Variants in ITGA11 observed in about 807,000 individuals in gnomAD.
ITGA11 encodes the protein integrin alpha-11.
A neutral mutation model predicts 141.9 loss-of-function variants in ITGA11; 97 were observed. The observed-to-expected ratio is 0.68, with a 90% CI of 0.58 to 0.81. The LOEUF (loss-of-function observed/expected upper bound fraction) is 0.81. ITGA11 is among the 30% of genes least tolerant of loss of function. ITGA11 has a pLI of 0.00. For missense variants in ITGA11, 1,387 were observed against 1,559.2 expected (o/e 0.89, Z 1.86); for synonymous variants, 658 against 624.6 (o/e 1.05, Z -0.80).
rs371974786 is a variant in ITGA11 at position 68,304,203 on chromosome 15, G to A, written c.3382-318C>T. 2.0e-5 allele frequency among the ~76,000 whole-genome samples: 3 copies of A among 152,116 alleles called. No homozygotes were observed. Among genetic ancestry groups the A allele is most frequent in the South Asian group, 4.1e-4 (2 of 4,832 alleles). ...TACTCCTTCTCCCTTTGCTGCCTCCGCATCGCCTCCCGCACTTCTAAAGGT... is the reference window on the plus strand; with the variant it reads ...TACTCCTTCTCCCTTTGCTGCCTCCACATCGCCTCCCGCACTTCTAAAGGT... On this transcript the variant is annotated intron_variant, in intron 28 of 29. Coordinates refer to ENST00000315757, the MANE Select transcript of ITGA11 (RefSeq NM_001004439.2). The surrounding 1 kb of genome is among the most constrained non-coding windows in gnomAD (Gnocchi z 6.1).
intron 1 of ITGA11, among the ~76,000 whole-genome samples, chr15:68,406,636 A>G (rs1416799766): frequency 6.6e-6 from 1 of 152,152 alleles, no homozygotes; most frequent in African/African-American, 2.4e-5. Flanking sequence ...GCTGATATTT[A>G]GAATATTCCT....
intron 10 of ITGA11, among the ~76,000 whole-genome samples, chr15:68,343,264 G>A (rs1396266808): frequency 6.6e-6 from 1 of 152,090 alleles, no homozygotes; most frequent in Non-Finnish European, 1.5e-5. Flanking sequence ...ATGGAGTCAG[G>A]GACCGGTTAT....
At chr15:68,371,978 T>A (rs1487783261) in intron 2 of ITGA11, among the ~76,000 whole-genome samples, 1 of 152,068 alleles carries the variant, frequency 6.6e-6, no homozygotes, top group East Asian at 1.9e-4. Context: ...TCCATAGTAC[T>A]TCATGAGGTA....
Position 68,325,261 on chromosome 15 carries a change from G to A in ITGA11, c.2212-20C>T. ...AGTGTCCTGGGGGGTGGAGATGAGGGCAGCGGTGAGGGAGGAGAGAACGTC... is the reference window on the plus strand; with the variant it reads ...AGTGTCCTGGGGGGTGGAGATGAGGACAGCGGTGAGGGAGGAGAGAACGTC... On this transcript the variant is annotated intron_variant, in intron 17 of 29. Transcript: ENST00000315757. The surrounding 1 kb of genome is among the most constrained non-coding windows in gnomAD (Gnocchi z 5.5). 2 of 1,516,562 alleles carry A rather than the reference G, an allele frequency of 1.3e-6. No homozygotes were observed. The highest frequency in any genetic ancestry group is 1.7e-5 in the Admixed American group (1 of 59,896). The allele number at this position is 1,516,562 out of a possible 1,614,324, so 93.9% of individuals were successfully genotyped here. A position where few individuals can be genotyped will look rare whatever the true frequency, so the allele number is the denominator to read the frequency against.
Position 68,326,636 on chromosome 15 carries a change from G to A in ITGA11, c.2211+18C>T, listed in dbSNP as rs1268708690. The stretch of plus-strand genomic sequence containing the variant: ...TCCTATAGGAGCTTGGGCTCTGCTG[G>A]TGGGGCTGCCAGCTTACCAGGACAT... On this transcript the variant is annotated intron_variant, in intron 17 of 29. Transcript: ENST00000315757. This position sits in a 1 kb window ranked among gnomAD's most constrained non-coding sequence, Gnocchi z 6.8. 2.5e-6 allele frequency: 4 copies of A among 1,577,714 alleles called. No homozygotes were observed. The highest frequency in any genetic ancestry group is 3.4e-6 in the Non-Finnish European group (4 of 1,161,456).
chr15:68,387,556 T>G (rs1595887212), intron 2 of ITGA11, among the ~76,000 whole-genome samples: 1 of 152,214 alleles, frequency 6.6e-6, no homozygotes, highest in Non-Finnish European at 1.5e-5. Flanking sequence ...TGCTGGACAG[T>G]AGTTCATTCC....
intron 20 of ITGA11, among the ~76,000 whole-genome samples, chr15:68,317,627 T>A (rs1893639667): frequency 6.6e-6 from 1 of 152,170 alleles, no homozygotes; most frequent in African/African-American, 2.4e-5. Context: ...GGGGCTCATG[T>A]ATGCGTCTCA....
At chr15:68,368,091 C>T (rs1285306922) in intron 3 of ITGA11, among the ~76,000 whole-genome samples, 1 of 152,202 alleles carries the variant, frequency 6.6e-6, no homozygotes, top group Non-Finnish European at 1.5e-5. Flanking sequence ...CTGGGGAGTT[C>T]TTTGGGCTTT....
chr15:68,315,773 C>A, intron 21 of ITGA11, 46 bp from the exon 22 acceptor site: 1 of 1,476,878 alleles, frequency 6.8e-7, no homozygotes, highest in East Asian at 2.4e-5. Context: ...GGACCAGCCC[C>A]GCCCACTCCC....
At position 68,358,599 on chromosome 15, in the gene ITGA11, A is replaced by T; in HGVS notation, c.473-14T>A. On this transcript the variant is annotated splice_polypyrimidine_tract_variant and intron_variant, in intron 5 of 29. Transcript: ENST00000315757. ...AGGTCTGGCACCCTGGAAAGTGGGGACACAGTTATGGCTACCCAAGGAGCA... is the reference window on the plus strand; with the variant it reads ...AGGTCTGGCACCCTGGAAAGTGGGGTCACAGTTATGGCTACCCAAGGAGCA... 6.2e-7 allele frequency: 1 copy of T among 1,607,436 alleles called. No homozygotes were observed. Among genetic ancestry groups the T allele is most frequent in the South Asian group, 1.1e-5 (1 of 89,692 alleles).
Position 68,357,213 on chromosome 15 carries a change from G to T in ITGA11, c.687C>A (p.Ala229=). The T allele has an allele frequency of 6.2e-7, 1 of 1,613,850 alleles. No homozygotes were observed. Among genetic ancestry groups the T allele is most frequent in the Admixed American group, 1.7e-5 (1 of 60,012 alleles). ...TTCCTCCTCTCTGCTCAATGTGGCTGGCAGCTTCCACCACATCTTTTACAG... is the reference window on the plus strand; with the variant it reads ...TTCCTCCTCTCTGCTCAATGTGGCTTGCAGCTTCCACCACATCTTTTACAG... ...YRSVKDVVEA[A]SHIEQRGGTE... is the part of the protein sequence containing the mutation. The change falls in exon 7 of 30, where the codon GCC becomes GCA. Residue 229 remains alanine (A), a synonymous_variant. Transcript: ENST00000315757.
chr15:68,315,371 T>C (rs1378684540), intron 22 of ITGA11, among the ~76,000 whole-genome samples: 1 of 152,246 alleles, frequency 6.6e-6, no homozygotes, highest in African/African-American at 2.4e-5. Context: ...GTTTGTGAAT[T>C]ACTGCTGTAT....
At chr15:68,362,887 G>A in intron 4 of ITGA11, among the ~76,000 whole-genome samples, 1 of 151,860 alleles carries the variant, frequency 6.6e-6, no homozygotes, top group East Asian at 1.9e-4. Context: ...GAATGATAAT[G>A]GATGGATGAT....
intron 2 of ITGA11, among the ~76,000 whole-genome samples, chr15:68,401,406 T>G (rs1480611372): frequency 6.6e-6 from 1 of 152,092 alleles, no homozygotes; most frequent in Non-Finnish European, 1.5e-5. Flanking sequence ...GACACGTACA[T>G]GAATGCCAAT....
chr15:68,328,267 A>G lies in ITGA11; in HGVS notation c.1902-5T>C. 6.2e-7 allele frequency: 1 copy of G among 1,612,028 alleles called. No homozygotes were observed. The highest frequency in any genetic ancestry group is 1.1e-5 in the South Asian group (1 of 90,884). The stretch of plus-strand genomic sequence containing the variant: ...ATCTGAACCACTGGGCGGGACCTGG[A>G]GGAGAAGGGCCAGTGAGCTGGGGTG... On this transcript the variant is annotated splice_region_variant and splice_polypyrimidine_tract_variant and intron_variant, in intron 15 of 29. Transcript: ENST00000315757. The surrounding 1 kb of genome is among the most constrained non-coding windows in gnomAD (Gnocchi z 4.8).
At chr15:68,429,183 TA>T (rs891173097) in intron 1 of ITGA11, among the ~76,000 whole-genome samples, 3 of 152,210 alleles carry the variant, frequency 2.0e-5, no homozygotes, top group Admixed American at 1.3e-4. Context: ...GTTCTATTAT[TA>T]CCCCCACTTT....
At chr15:68,430,534 T>C (rs1251881373) in intron 1 of ITGA11, among the ~76,000 whole-genome samples, 1 of 152,220 alleles carries the variant, frequency 6.6e-6, no homozygotes, top group East Asian at 1.9e-4. Flanking sequence ...CAGCCACTCC[T>C]TCCCAAGGTT....
intron 2 of ITGA11, among the ~76,000 whole-genome samples, chr15:68,370,455 C>T (rs757689244): frequency 2.0e-5 from 3 of 152,220 alleles, no homozygotes; most frequent in Non-Finnish European, 1.5e-5. Flanking sequence ...CGCCTCATCT[C>T]TCACCCACCA....
chr15:68,305,007 C>T lies in ITGA11; in HGVS notation c.3382-1122G>A, dbSNP rs1893147221. Reference sequence around the variant, plus strand: ...AGAGGGATCCTTCTAACGAGGAAGGCAGGCTTATGCTCTGCTCTGCTCTGC... The same window carrying T: ...AGAGGGATCCTTCTAACGAGGAAGGTAGGCTTATGCTCTGCTCTGCTCTGC... On this transcript the variant is annotated intron_variant, in intron 28 of 29. Transcript: ENST00000315757. This position sits in a 1 kb window ranked among gnomAD's most constrained non-coding sequence, Gnocchi z 4.6. 6.6e-6 allele frequency among the ~76,000 whole-genome samples: 1 copy of T among 152,236 alleles called. No homozygotes were observed. Among genetic ancestry groups the T allele is most frequent in the African/African-American group, 2.4e-5 (1 of 41,468 alleles).
Sources: allele counts gnomAD v4.1 joint callset (sites outside exome capture counted in the v4.1 genomes callset), GRCh38; gene constraint gnomAD v4.1.1; non-coding constraint Gnocchi (gnomAD v3.1); transcripts MANE v1.5; gene names NCBI Gene and HGNC (gene_info 2026-07-23, HGNC 2026-07-21).